Variants in THSD7B observed in about 807,000 individuals in gnomAD.
The protein encoded by THSD7B is thrombospondin type-1 domain-containing protein 7B.
Under a neutral mutation model 213.6 loss-of-function variants are expected in THSD7B, and 138 were observed. That is an observed-to-expected ratio of 0.65 (90% CI 0.56 to 0.74). The LOEUF is 0.74. THSD7B is among the 30% of genes least tolerant of loss of function. The probability of loss-of-function intolerance (pLI) is 0.00; values close to 1 mark genes in which losing one functional copy is unlikely to be tolerated. For synonymous variants in THSD7B, 742 were observed against 687.0 expected, an observed-to-expected ratio of 1.08 and a Z score of -1.25; for missense variants, 1,931 against 1,991.5, an observed-to-expected ratio of 0.97 and a Z score of 0.58.
At chr2:137,415,055 C>CA (rs56403642) in intron 14 of THSD7B, among the ~76,000 whole-genome samples, 35,696 of 122,796 alleles carry the variant, frequency 0.29, 5,191 homozygotes, top group South Asian at 0.39. Context: ...GACCCTGTCT[C>CA]AAAAAAAAAA....
At chr2:137,304,473 G>A (rs1573946823) in intron 12 of THSD7B, among the ~76,000 whole-genome samples, 1 of 152,116 alleles carries the variant, frequency 6.6e-6, no homozygotes, top group East Asian at 1.9e-4. Context: ...AATAGGGAAA[G>A]CTTGATTTGA....
At chr2:137,638,866 G>GT (rs1485801074) in intron 20 of THSD7B, among the ~76,000 whole-genome samples, 2 of 152,078 alleles carry the variant, frequency 1.3e-5, no homozygotes, top group Non-Finnish European at 2.9e-5. Flanking sequence ...ATAATTTAGG[G>GT]TACCTGGTGG....
At chr2:137,256,198 G>T (rs1439109736) in intron 10 of THSD7B, among the ~76,000 whole-genome samples, 1 of 152,162 alleles carries the variant, frequency 6.6e-6, no homozygotes, top group Non-Finnish European at 1.5e-5. Flanking sequence ...TAATGGATGA[G>T]TCAGTAAACC....
intron 14 of THSD7B, among the ~76,000 whole-genome samples, chr2:137,445,144 C>T (rs899531969): frequency 2.0e-5 from 3 of 151,770 alleles, no homozygotes; most frequent in African/African-American, 7.3e-5. Flanking sequence ...GAAGAATGCT[C>T]GTACACAGTT....
At chr2:137,249,159 A>G (rs1437943994) in intron 10 of THSD7B, among the ~76,000 whole-genome samples, 1 of 152,162 alleles carries the variant, frequency 6.6e-6, no homozygotes, top group Non-Finnish European at 1.5e-5. Context: ...CTGCTGATAA[A>G]ATTCATTAAA....
chr2:137,617,143 C>T (rs1682402741), intron 18 of THSD7B, among the ~76,000 whole-genome samples: 1 of 152,088 alleles, frequency 6.6e-6, no homozygotes. Flanking sequence ...GTAAAGATGA[C>T]CTGGTGTATT....
At chr2:136,908,591 G>T (rs952942005) in intron 2 of THSD7B, among the ~76,000 whole-genome samples, 1 of 152,168 alleles carries the variant, frequency 6.6e-6, no homozygotes, top group Admixed American at 6.5e-5. Context: ...CCATATGTCT[G>T]TACATCAGCC....
At chr2:137,297,347 CCT>C (rs2104841419) in intron 12 of THSD7B, among the ~76,000 whole-genome samples, 1 of 148,598 alleles carries the variant, frequency 6.7e-6, no homozygotes, top group Admixed American at 6.7e-5. Flanking sequence ...CCACTTCCTT[CCT>C]CTTTTTTTTT....
In THSD7B at chr2:137,233,020, A is replaced by G; in HGVS notation, c.2037A>G (p.Val679=). The change falls in exon 9 of 28, where the codon GTA becomes GTG. Residue 679 remains valine (V), a synonymous_variant. Coordinates refer to ENST00000409968, the MANE Select transcript of THSD7B (RefSeq NM_001316349.2). ...PWGPCSEDTL[V]TALNATIGWN... ...GCCCTTGTTCTGAGGACACATTGGT[A>G]ACTGCCCTTAATGCAACCATTGGCT... 1 of 1,613,956 alleles carries G rather than the reference A, an allele frequency of 6.2e-7. No individual in the cohort carries two copies. The highest frequency in any genetic ancestry group is 8.5e-7 in the Non-Finnish European group (1 of 1,179,842).
intron 12 of THSD7B, among the ~76,000 whole-genome samples, chr2:137,294,330 C>T (rs543423381): frequency 1.3e-5 from 2 of 152,088 alleles, no homozygotes; most frequent in Non-Finnish European, 1.5e-5. Flanking sequence ...CAACTGTAAT[C>T]CCAGCACTTT....
At chr2:137,424,303 T>G (rs1686992152) in intron 14 of THSD7B, among the ~76,000 whole-genome samples, 1 of 152,006 alleles carries the variant, frequency 6.6e-6, no homozygotes, top group African/African-American at 2.4e-5. Context: ...AAAGAAAAAA[T>G]TAATTGTCGT....
chr2:137,199,725 AT>A (rs1339506387), intron 7 of THSD7B, among the ~76,000 whole-genome samples: 1 of 152,162 alleles, frequency 6.6e-6, no homozygotes, highest in East Asian at 1.9e-4. Context: ...AGCATAATTT[AT>A]TTCCCCATAT....
At chr2:137,002,582 C>T (rs1193948887) in intron 2 of THSD7B, among the ~76,000 whole-genome samples, 1 of 152,126 alleles carries the variant, frequency 6.6e-6, no homozygotes, top group Non-Finnish European at 1.5e-5. Flanking sequence ...AGGTCGCACC[C>T]CTTTGCTTTT....
chr2:137,353,828 G>A (rs971708041), intron 12 of THSD7B, among the ~76,000 whole-genome samples: 15 of 152,064 alleles, frequency 9.9e-5, no homozygotes, highest in African/African-American at 3.6e-4. Flanking sequence ...ACATACTTCA[G>A]GAGATTCCAC....
At chr2:137,472,199 C>T (rs1688107665) in intron 15 of THSD7B, among the ~76,000 whole-genome samples, 1 of 152,044 alleles carries the variant, frequency 6.6e-6, no homozygotes, top group Non-Finnish European at 1.5e-5. Flanking sequence ...TTGTGGAAAG[C>T]TCATTAAATT....
intron 12 of THSD7B, among the ~76,000 whole-genome samples, chr2:137,389,652 T>C (rs1685976444): frequency 6.6e-6 from 1 of 152,052 alleles, no homozygotes; most frequent in Non-Finnish European, 1.5e-5. Flanking sequence ...CCTAGACCAA[T>C]GTCCAGAAAA....
At chr2:137,211,952 A>T (rs1681122369) in intron 7 of THSD7B, among the ~76,000 whole-genome samples, 1 of 152,074 alleles carries the variant, frequency 6.6e-6, no homozygotes, top group Admixed American at 6.6e-5. Context: ...TCATAGTAAG[A>T]AAAAGAGGAA....
At chr2:137,495,153 AT>A (rs1481209916) in intron 15 of THSD7B, among the ~76,000 whole-genome samples, 2 of 152,098 alleles carry the variant, frequency 1.3e-5, no homozygotes, top group African/African-American at 4.8e-5. Flanking sequence ...GCCAATTTGG[AT>A]TATTTTTTTT....
intron 3 of THSD7B, among the ~76,000 whole-genome samples, chr2:137,077,275 G>T (rs531830035): frequency 2.0e-4 from 31 of 152,088 alleles, no homozygotes; most frequent in Admixed American, 2.0e-3. Flanking sequence ...GAATAGTGCC[G>T]CAATAAACAT....
Sources: gnomAD v4.1 joint callset for allele counts (sites outside exome capture counted in the v4.1 genomes callset) on GRCh38, gnomAD v4.1.1 for gene constraint, MANE v1.5 for transcripts, NCBI Gene and HGNC (gene_info 2026-07-23, HGNC 2026-07-21) for gene names.